Variants in ANKRD11 observed in about 807,000 individuals in gnomAD.
The protein encoded by ANKRD11 is ankyrin repeat domain-containing protein 11.
ANKRD11 carries 17 observed loss-of-function variants against 195.7 expected under a neutral mutation model. The observed-to-expected ratio is 0.09, with a 90% CI of 0.06 to 0.13. ANKRD11 has a LOEUF of 0.13. Among genes scored for constraint, ANKRD11 ranks in the 10% least tolerant of loss-of-function variants. The probability of loss-of-function intolerance (pLI) is 1.00; values close to 1 mark genes in which losing one functional copy is unlikely to be tolerated. For synonymous variants in ANKRD11, 1,953 were observed against 1,528.1 expected, an observed-to-expected ratio of 1.28 and a Z score of -6.49; for missense variants, 3,735 against 3,566.1, an observed-to-expected ratio of 1.05 and a Z score of -1.21.
In ANKRD11 at chr16:89,370,109, C is replaced by T. The variant is rs150101429; in HGVS notation, c.-60+48175G>A. On this transcript the variant is annotated intron_variant, in intron 2 of 12. Coordinates refer to ENST00000301030, the MANE Select transcript of ANKRD11 (RefSeq NM_013275.6). ...TCTCAGGCATGGCAGGAAGAAGACA[C>T]ACTGCTGTTCAACTGGAAAAGGATC... Among the ~76,000 whole-genome samples the T allele has an allele frequency of 3.9e-3, 590 of 152,342 alleles. 2 individuals are homozygous for T. The highest frequency in any genetic ancestry group is 0.014 in the African/African-American group (566 of 41,566).
intron 2 of ANKRD11, among the ~76,000 whole-genome samples, chr16:89,399,119 C>G (rs1467930160): frequency 6.6e-6 from 1 of 152,216 alleles, no homozygotes; most frequent in Non-Finnish European, 1.5e-5. Context: ...GCCCAGGTGG[C>G]TCCGAACACG....
intron 1 of ANKRD11, among the ~76,000 whole-genome samples, chr16:89,436,998 A>G (rs2043241685): frequency 3.9e-5 from 6 of 152,254 alleles, no homozygotes; most frequent in Admixed American, 3.3e-4. Context: ...AAAGATGGTC[A>G]AAGTTGATGA....
At chr16:89,379,438 G>T (rs1439888451) in intron 2 of ANKRD11, among the ~76,000 whole-genome samples, 3 of 152,210 alleles carry the variant, frequency 2.0e-5, no homozygotes, top group African/African-American at 7.2e-5. Flanking sequence ...TCCACACCCT[G>T]TCAGGGCATC....
intron 1 of ANKRD11, among the ~76,000 whole-genome samples, chr16:89,439,380 G>C (rs1258538430): frequency 6.6e-6 from 1 of 152,010 alleles, no homozygotes; most frequent in Non-Finnish European, 1.5e-5. Context: ...ACTTGCAATG[G>C]GGTTACCTCC....
At chr16:89,286,747 A>C in intron 7 of ANKRD11, 1 of 1,286,968 alleles carries the variant, frequency 7.8e-7, no homozygotes, top group Non-Finnish European at 1.0e-6. Flanking sequence ...AAGGGTGGTC[A>C]CATGACTGAC....
rs1351147402 is a variant in ANKRD11 at position 89,490,311 on chromosome 16, CCGCGGCCGCGTTTCCCGGGCCG to C, written c.-233_-212del. ...GGGGCGCGGGCGCTGCCCATGCAGC[CCGCGGCCGCGTTTCCCGGGCCG>C]CGCGGCCCGAGCGGCAAGGCGGCGG... On this transcript the variant is annotated 5_prime_UTR_variant, in exon 1 of 13. Transcript: ENST00000301030. 2 of 146,980 alleles carry C rather than the reference CCGCGGCCGCGTTTCCCGGGCCG, an allele frequency of 1.4e-5. No individual in the cohort carries two copies. The highest frequency in any genetic ancestry group is 4.9e-5 in the African/African-American group (2 of 40,750). 9.1% of individuals were successfully genotyped at this position (146,980 alleles called of 1,614,324 possible). A position where few individuals can be genotyped will look rare whatever the true frequency, so the allele number is the denominator to read the frequency against.
intron 2 of ANKRD11, among the ~76,000 whole-genome samples, chr16:89,349,177 T>TAAAAAAAAAAAAAAA (rs1336305645): frequency 1.2e-5 from 1 of 85,034 alleles, no homozygotes; most frequent in African/African-American, 4.5e-5. Context: ...ATAATTATAG[T>TAAAAAAAAAAAAAAA]AATCAAGACA....
At chr16:89,318,108 A>T (rs2037073311) in intron 2 of ANKRD11, among the ~76,000 whole-genome samples, 1 of 151,778 alleles carries the variant, frequency 6.6e-6, no homozygotes, top group African/African-American at 2.4e-5. Flanking sequence ...TCCGACTCCC[A>T]CCCCCGTGGT....
chr16:89,444,608 C>G (rs970844925), intron 1 of ANKRD11, among the ~76,000 whole-genome samples: 1 of 152,070 alleles, frequency 6.6e-6, no homozygotes. Flanking sequence ...AAAAGAAAAG[C>G]TATCATGAGC....
intron 1 of ANKRD11, among the ~76,000 whole-genome samples, chr16:89,475,865 C>T (rs2057240427): frequency 6.6e-6 from 1 of 152,054 alleles, no homozygotes; most frequent in Non-Finnish European, 1.5e-5. Flanking sequence ...GCCTGGCCAA[C>T]ATGGTGAAAC....
intron 2 of ANKRD11, among the ~76,000 whole-genome samples, chr16:89,394,112 G>C (rs910504556): frequency 1.3e-5 from 2 of 152,142 alleles, no homozygotes; most frequent in Non-Finnish European, 2.9e-5. Flanking sequence ...ACAGTCCCAG[G>C]TTCCAGGCAG....
At chr16:89,437,199 G>C (rs187520684) in intron 1 of ANKRD11, among the ~76,000 whole-genome samples, 1 of 152,278 alleles carries the variant, frequency 6.6e-6, no homozygotes, top group Non-Finnish European at 1.5e-5. Flanking sequence ...AAATGGAGAA[G>C]GAACGTCCAC....
intron 2 of ANKRD11, among the ~76,000 whole-genome samples, chr16:89,346,662 T>C (rs943111539): frequency 5.9e-5 from 9 of 152,026 alleles, no homozygotes; most frequent in African/African-American, 1.7e-4. Flanking sequence ...GAAACCAGAG[T>C]AGGAATTTCG....
chr16:89,317,117 G>A (rs1567634278), intron 2 of ANKRD11, 39 bp from the exon 3 acceptor site: 2 of 1,373,000 alleles, frequency 1.5e-6, no homozygotes, highest in South Asian at 1.2e-5. Flanking sequence ...GAATTCAGAG[G>A]CAGCTCAAAA....
In ANKRD11 at chr16:89,284,039, C is replaced by T. The variant is rs2034471634; in HGVS notation, c.2503G>A (p.Asp835Asn). ...ENEDTKFSLS[D>N]DQRDRWFSDL... ...GAAAACCACCGATCTCGCTGATCGTCAGAAAGGCTAAATTTGGTGTCTTCA... is the reference window on the plus strand; with the variant it reads ...GAAAACCACCGATCTCGCTGATCGTTAGAAAGGCTAAATTTGGTGTCTTCA... The change falls in exon 9 of 13, where the codon GAC becomes AAC. Residue 835 changes from aspartate to asparagine, a missense_variant. Asp to Asn is a conservative substitution (Grantham distance 23, BLOSUM62 1). Coordinates refer to ENST00000301030, the MANE Select transcript of ANKRD11 (RefSeq NM_013275.6). 3 of 1,614,168 alleles carry T rather than the reference C, an allele frequency of 1.9e-6. No homozygotes were observed. The highest frequency in any genetic ancestry group is 2.5e-6 in the Non-Finnish European group (3 of 1,180,036).
intron 1 of ANKRD11, among the ~76,000 whole-genome samples, chr16:89,460,696 C>T (rs1475280889): frequency 6.6e-6 from 1 of 152,154 alleles, no homozygotes; most frequent in Non-Finnish European, 1.5e-5. Context: ...ACGATCACAC[C>T]ACTGCACTCC....
At chr16:89,416,632 T>C (rs1213851139) in intron 2 of ANKRD11, among the ~76,000 whole-genome samples, 1 of 151,420 alleles carries the variant, frequency 6.6e-6, no homozygotes, top group Non-Finnish European at 1.5e-5. Context: ...TTTTTCACAC[T>C]AGTAAGCAGC....
At chr16:89,312,389 G>A (rs927655813) in intron 3 of ANKRD11, among the ~76,000 whole-genome samples, 22 of 152,250 alleles carry the variant, frequency 1.4e-4, no homozygotes, top group African/African-American at 4.3e-4. Flanking sequence ...TCACGCAGGG[G>A]AGGGGCGGGG....
At chr16:89,435,256 C>G (rs2043163813) in intron 1 of ANKRD11, among the ~76,000 whole-genome samples, 1 of 152,132 alleles carries the variant, frequency 6.6e-6, no homozygotes, top group Non-Finnish European at 1.5e-5. Context: ...AAAAATGGAC[C>G]AATCAGCACT....
Sources: gnomAD v4.1 joint callset for allele counts (sites outside exome capture counted in the v4.1 genomes callset) on GRCh38, gnomAD v4.1.1 for gene constraint, MANE v1.5 for transcripts, NCBI Gene and HGNC (gene_info 2026-07-23, HGNC 2026-07-21) for gene names.